The following KCNIP4 variants were observed in gnomAD, a reference collection of about 807,000 sequenced individuals.
KCNIP4 encodes Kv channel-interacting protein 4.
In KCNIP4, 12 loss-of-function variants were observed where a neutral mutation model predicts 34.0. The observed-to-expected ratio is 0.35, with a 90% CI of 0.23 to 0.57. The LOEUF (loss-of-function observed/expected upper bound fraction) is 0.57, where lower values mean the gene tolerates loss of function less well. KCNIP4 is among the 20% of genes least tolerant of loss of function. The probability of loss-of-function intolerance (pLI) is 0.83; values close to 1 mark genes in which losing one functional copy is unlikely to be tolerated. For missense variants in KCNIP4, 238 were observed against 311.7 expected, an observed-to-expected ratio of 0.76 and a Z score of 1.78; for synonymous variants, 124 against 102.2, an observed-to-expected ratio of 1.21 and a Z score of -1.29.
intron 1 of KCNIP4, among the ~76,000 whole-genome samples, chr4:21,564,895 C>T (rs539670542): frequency 6.6e-5 from 10 of 152,060 alleles, no homozygotes; most frequent in Non-Finnish European, 1.5e-4. Flanking sequence ...GGAGAACTCC[C>T]TCATTACCAC....
intron 1 of KCNIP4, among the ~76,000 whole-genome samples, chr4:21,459,976 A>G (rs1729308430): frequency 6.6e-6 from 1 of 151,826 alleles, no homozygotes; most frequent in African/African-American, 2.4e-5. Flanking sequence ...CAAGGGCCAC[A>G]GTGATCCTGT....
In KCNIP4 at chr4:21,239,870, C is replaced by T. The variant is rs202058663; in HGVS notation, c.62-357161G>A. Among the ~76,000 whole-genome samples the T allele has an allele frequency of 1.6e-4, 25 of 152,266 alleles. No individual in the cohort carries two copies. In the East Asian group the frequency reaches 4.8e-3, roughly 29 times the overall value. ...ACCATTTGACCCAGCCATCCCATTA[C>T]TGGGTATATACCCAAAGGACTATAA... On this transcript the variant is annotated intron_variant, in intron 1 of 8. Coordinates refer to ENST00000382152, the MANE Select transcript of KCNIP4 (RefSeq NM_025221.6).
Position 20,862,884 on chromosome 4 carries a change from C to T in KCNIP4, c.164-12217G>A, listed in dbSNP as rs112673605. On this transcript the variant is annotated intron_variant, in intron 2 of 8. Transcript: ENST00000382152. ...AATCCAGGAACAGACAACCAAATAC[C>T]GCACGTTCTTGCTTATAATTGGGAG... Among the ~76,000 whole-genome samples, 72 of 152,228 alleles carry T rather than the reference C, an allele frequency of 4.7e-4. 1 individual carries two copies. Among genetic ancestry groups the T allele is most frequent in the African/African-American group, 1.4e-3 (58 of 41,540 alleles).
chr4:21,445,629 T>C (rs1727913470), intron 1 of KCNIP4, among the ~76,000 whole-genome samples: 1 of 152,174 alleles, frequency 6.6e-6, no homozygotes, highest in African/African-American at 2.4e-5. Context: ...TAATTCAAGA[T>C]GGATTAAAGA....
intron 1 of KCNIP4, among the ~76,000 whole-genome samples, chr4:21,732,056 G>T (rs1459272): frequency 0.3 from 45,816 of 150,472 alleles, 8,109 homozygotes; most frequent in East Asian, 0.68. Context: ...GAATAAACTT[G>T]ATTGTATAAT....
intron 3 of KCNIP4, among the ~76,000 whole-genome samples, chr4:20,842,462 T>C (rs1719859825): frequency 6.6e-6 from 1 of 151,872 alleles, no homozygotes; most frequent in African/African-American, 2.4e-5. Context: ...TGGCTGATCG[T>C]GAACTAGTTG....
At chr4:21,871,087 A>G (rs1316784513) in intron 1 of KCNIP4, among the ~76,000 whole-genome samples, 1 of 151,770 alleles carries the variant, frequency 6.6e-6, no homozygotes, top group East Asian at 1.9e-4. Context: ...ATTCTTGAGC[A>G]TGTCCTTCAA....
chr4:21,708,085 T>C (rs1713432633), intron 1 of KCNIP4, among the ~76,000 whole-genome samples: 1 of 152,222 alleles, frequency 6.6e-6, no homozygotes, highest in Non-Finnish European at 1.5e-5. Context: ...CACTGGAACA[T>C]AATATCATAT....
intron 1 of KCNIP4, among the ~76,000 whole-genome samples, chr4:20,955,671 G>C (rs796590195): frequency 4.6e-5 from 7 of 152,170 alleles, no homozygotes; most frequent in African/African-American, 1.7e-4. Flanking sequence ...AAATTGAGTA[G>C]ACATAGTTGA....
chr4:21,633,866 T>A (rs2109212890), intron 1 of KCNIP4, among the ~76,000 whole-genome samples: 1 of 152,210 alleles, frequency 6.6e-6, no homozygotes, highest in East Asian at 1.9e-4. Flanking sequence ...TAAAAAAAAT[T>A]GTGAAGATTG....
chr4:21,119,764 C>T (rs1749997457), intron 1 of KCNIP4, among the ~76,000 whole-genome samples: 1 of 151,688 alleles, frequency 6.6e-6, no homozygotes, highest in Non-Finnish European at 1.5e-5. Context: ...GCAGAATGAG[C>T]ACAAAGTAAT....
At chr4:21,773,157 C>T (rs1718919494) in intron 1 of KCNIP4, among the ~76,000 whole-genome samples, 1 of 152,116 alleles carries the variant, frequency 6.6e-6, no homozygotes, top group Non-Finnish European at 1.5e-5. Context: ...TGATTTATGC[C>T]TTAATTTCAT....
intron 1 of KCNIP4, among the ~76,000 whole-genome samples, chr4:21,769,325 T>G (rs1325647062): frequency 1.3e-5 from 2 of 152,166 alleles, no homozygotes; most frequent in African/African-American, 2.4e-5. Context: ...CTCTGCCAGG[T>G]TTTCTATTTT....
chr4:20,935,648 A>G (rs1025681707), intron 1 of KCNIP4, among the ~76,000 whole-genome samples: 2 of 152,202 alleles, frequency 1.3e-5, no homozygotes, highest in Non-Finnish European at 2.9e-5. Context: ...ATAACTCTCC[A>G]ATATTTGATA....
At chr4:21,919,963 A>T (rs1302968629) in intron 1 of KCNIP4, among the ~76,000 whole-genome samples, 2 of 152,200 alleles carry the variant, frequency 1.3e-5, no homozygotes, top group African/African-American at 4.8e-5. Context: ...AGGTCTAATT[A>T]AAAAACCAAT....
chr4:21,481,920 T>G (rs1731460771), intron 1 of KCNIP4, among the ~76,000 whole-genome samples: 1 of 152,196 alleles, frequency 6.6e-6, no homozygotes, highest in African/African-American at 2.4e-5. Flanking sequence ...ATAAAAGGTC[T>G]CCCATTATTA....
At chr4:20,922,516 A>ACTGTCTGTCTGTCTGT (rs763750641) in intron 1 of KCNIP4, among the ~76,000 whole-genome samples, 167 of 143,334 alleles carry the variant, frequency 1.2e-3, no homozygotes, top group African/African-American at 2.3e-3. Context: ...TAATAGTGTG[A>ACTGTCTGTCTGTCTGT]CTGTCTGTCT....
In KCNIP4 at chr4:20,825,936, T is replaced by A. The variant is rs1387783993; in HGVS notation, c.288+24607A>T. On this transcript the variant is annotated intron_variant, in intron 3 of 8. Transcript: ENST00000382152. ...TGGGGTAGAAGGGATCTATTTTATG[T>A]TGTGAAATGTCCAATTAGATAAATA... Among the ~76,000 whole-genome samples, 3 of 152,140 alleles carry A rather than the reference T, an allele frequency of 2.0e-5. No homozygotes were observed. The East Asian group carries it at 5.8e-4, about 29-fold the overall frequency.
chr4:21,380,436 A>T (rs1721375134), intron 1 of KCNIP4, among the ~76,000 whole-genome samples: 1 of 73,216 alleles, frequency 1.4e-5, no homozygotes. Context: ...ATGATGAGGG[A>T]GAGGGAGGGA....
Sources: gnomAD v4.1 joint callset for allele counts (sites outside exome capture counted in the v4.1 genomes callset) on GRCh38, gnomAD v4.1.1 for gene constraint, MANE v1.5 for transcripts, NCBI Gene and HGNC (gene_info 2026-07-23, HGNC 2026-07-21) for gene names.